The following PSMD12 variants were observed in gnomAD, a reference collection of about 807,000 sequenced individuals.
PSMD12 encodes the protein proteasome 26S subunit, non-ATPase 12.
In PSMD12, 8 loss-of-function variants were observed where a neutral mutation model predicts 62.9. The ratio of observed to expected loss-of-function variants is 0.13; its 90% confidence interval spans 0.07 to 0.23. The LOEUF is 0.23. Among genes scored for constraint, PSMD12 ranks in the 10% least tolerant of loss-of-function variants. The probability of loss-of-function intolerance (pLI) is 1.00; values close to 1 mark genes in which losing one functional copy is unlikely to be tolerated. For synonymous variants in PSMD12, 173 were observed against 187.4 expected (o/e 0.92, Z 0.63); for missense variants, 424 against 550.2 (o/e 0.77, Z 2.29).
intron 1 of PSMD12, among the ~76,000 whole-genome samples, chr17:67,357,991 G>A (rs531417604): frequency 4.0e-5 from 6 of 151,338 alleles, no homozygotes; most frequent in Non-Finnish European, 7.4e-5. Context: ...GCACCATCTC[G>A]GCTCACTGCA....
intron 9 of PSMD12, 44 bp from the exon 10 acceptor site, chr17:67,342,307 A>C: frequency 7.7e-7 from 1 of 1,295,584 alleles, no homozygotes; most frequent in Non-Finnish European, 1.1e-6. Flanking sequence ...AACATTTGTC[A>C]GTAAGTCTAA....
chr17:67,363,455 T>TA (rs2042152651), intron 1 of PSMD12, among the ~76,000 whole-genome samples: 1 of 152,118 alleles, frequency 6.6e-6, no homozygotes, highest in South Asian at 2.1e-4. Context: ...ACATTTAAAA[T>TA]AAAAAATGCC....
intron 3 of PSMD12, among the ~76,000 whole-genome samples, chr17:67,351,730 C>G (rs994307203): frequency 1.6e-4 from 24 of 151,936 alleles, no homozygotes; most frequent in African/African-American, 5.8e-4. Flanking sequence ...CACAGGTAAC[C>G]CTCACCTCCT....
intron 8 of PSMD12, 143 bp from the exon 9 acceptor site, chr17:67,344,923 A>G (rs997574567): frequency 1.4e-6 from 1 of 694,408 alleles, no homozygotes; most frequent in African/African-American, 1.8e-5. Flanking sequence ...ATTATTGTGT[A>G]TTTTACCAAC....
chr17:67,366,502 C>G lies in PSMD12; in HGVS notation c.18G>C (p.Ser6=). The part of the protein sequence containing the change: MADGG[S]ERADGRIVKM... ...TGACGATGCGCCCGTCAGCCCGCTC[C>G]GAGCCGCCGTCCGCCATGGTCCCCG... Residue 6 remains serine (S), a synonymous_variant, in exon 1 of 11, where the codon TCG becomes TCC. Coordinates refer to ENST00000356126, the MANE Select transcript of PSMD12 (RefSeq NM_002816.5). The G allele has an allele frequency of 1.2e-6, 2 of 1,607,668 alleles. No homozygotes were observed. The highest frequency in any genetic ancestry group is 1.7e-6 in the Non-Finnish European group (2 of 1,178,412).
chr17:67,342,930 ACTCT>A (rs1211959390), intron 9 of PSMD12, among the ~76,000 whole-genome samples: 1 of 144,994 alleles, frequency 6.9e-6, no homozygotes, highest in Non-Finnish European at 1.5e-5. Context: ...AGCTACACTG[ACTCT>A]CTTTCAAAAA....
chr17:67,358,304 A>G (rs2042095742), intron 1 of PSMD12, among the ~76,000 whole-genome samples: 1 of 152,154 alleles, frequency 6.6e-6, no homozygotes, highest in African/African-American at 2.4e-5. Flanking sequence ...GCAGTGGCTC[A>G]TGCCTGTAAT....
rs1313072711 is a variant in PSMD12, at chr17:67,345,875, C to T, written c.796-18G>A. On this transcript the variant is annotated intron_variant, in intron 7 of 10. Coordinates refer to ENST00000356126, the MANE Select transcript of PSMD12 (RefSeq NM_002816.5). Reference sequence around the variant, plus strand: ...TTCAGAGCCTAAAAGAGTTGTACAACAAGTTATATGCAAGACTGGACATAA... The same window carrying T: ...TTCAGAGCCTAAAAGAGTTGTACAATAAGTTATATGCAAGACTGGACATAA... The T allele has an allele frequency of 6.3e-7, 1 of 1,576,056 alleles. No homozygotes were observed. The highest frequency in any genetic ancestry group is 1.7e-5 in the Admixed American group (1 of 59,692).
At chr17:67,362,611 G>A (rs1410654569) in intron 1 of PSMD12, among the ~76,000 whole-genome samples, 6 of 147,740 alleles carry the variant, frequency 4.1e-5, no homozygotes, top group East Asian at 2.0e-4. Flanking sequence ...GCAGTGAGCC[G>A]AGATCGCGCC....
chr17:67,345,154 A>C (rs1314428361), intron 8 of PSMD12, among the ~76,000 whole-genome samples: 1 of 152,242 alleles, frequency 6.6e-6, no homozygotes, highest in Non-Finnish European at 1.5e-5. Context: ...TAAACTACTA[A>C]TGATGAAACT....
intron 1 of PSMD12, among the ~76,000 whole-genome samples, chr17:67,361,955 TAACA>T (rs1301797215): frequency 7.6e-6 from 1 of 131,598 alleles, no homozygotes; most frequent in Non-Finnish European, 1.6e-5. Flanking sequence ...AGGAAGACAT[TAACA>T]TTTAGGCCTA....
chr17:67,354,035 C>G (rs576255716), intron 3 of PSMD12, among the ~76,000 whole-genome samples: 1 of 152,174 alleles, frequency 6.6e-6, no homozygotes, highest in Non-Finnish European at 1.5e-5. Context: ...CAATAGGGTG[C>G]CAAGGGCAAG....
chr17:67,346,632 C>T (rs2041969823), intron 7 of PSMD12, among the ~76,000 whole-genome samples: 1 of 152,096 alleles, frequency 6.6e-6, no homozygotes, highest in South Asian at 2.1e-4. Flanking sequence ...GCAAGGCTGC[C>T]TTTTCATAGT....
At chr17:67,358,592 GAAAAAAAAGA>G (rs2042101136) in intron 1 of PSMD12, among the ~76,000 whole-genome samples, 1 of 125,100 alleles carries the variant, frequency 8.0e-6, no homozygotes, top group Non-Finnish European at 1.7e-5. Flanking sequence ...AAAAAGAAAA[GAAAAAAAAGA>G]AAAAAAAAGT....
Position 67,341,057 on chromosome 17 carries a change from A to G in PSMD12, c.1162-5T>C, listed in dbSNP as rs1349741161. 1.3e-6 allele frequency: 2 copies of G among 1,529,704 alleles called. No individual in the cohort carries two copies. Among genetic ancestry groups the G allele is most frequent in the Admixed American group, 2.3e-5 (1 of 42,658 alleles). The allele number at this position is 1,529,704 out of a possible 1,614,324, so 94.8% of individuals were successfully genotyped here. ...TGAGAGAAAGGCTTCGGACTCCTGC[A>G]AGAGAGAAAGATAAATTGGATTAAG... On this transcript the variant is annotated splice_region_variant and splice_polypyrimidine_tract_variant and intron_variant, in intron 10 of 10. Coordinates refer to ENST00000356126, the MANE Select transcript of PSMD12 (RefSeq NM_002816.5).
At chr17:67,341,862 G>A (rs1483194739) in intron 10 of PSMD12, among the ~76,000 whole-genome samples, 1 of 152,172 alleles carries the variant, frequency 6.6e-6, no homozygotes, top group African/African-American at 2.4e-5. Context: ...AATGTTCCAT[G>A]AGTCTTACCA....
At chr17:67,351,431 T>TAA (rs1555640971) in intron 3 of PSMD12, among the ~76,000 whole-genome samples, 14 of 148,372 alleles carry the variant, frequency 9.4e-5, no homozygotes, top group Admixed American at 2.7e-4. Context: ...ATAATAATAA[T>TAA]TAGGACCATG....
rs5821478 is a variant in PSMD12, at chr17:67,340,252, CAA to C, written c.*589_*590del. ...TACTGTGATTGGAACCAGCCGGACTCAAAAAAAAAAAAAAAAAAGTCTACAGT... is the reference window on the plus strand; with the variant it reads ...TACTGTGATTGGAACCAGCCGGACTCAAAAAAAAAAAAAAAAGTCTACAGT... On this transcript the variant is annotated 3_prime_UTR_variant, in exon 11 of 11. Coordinates refer to ENST00000356126, the MANE Select transcript of PSMD12 (RefSeq NM_002816.5). 0.084 allele frequency: 9,982 copies of C among 119,210 alleles called. 392 individuals are homozygous for C. Among genetic ancestry groups the C allele is most frequent in the Non-Finnish European group, 0.11 (6,036 of 57,278 alleles). 7.4% of individuals were successfully genotyped at this position (119,210 alleles called of 1,614,324 possible).
At chr17:67,344,475 C>T in intron 9 of PSMD12, 131 bp downstream of exon 9, 3 of 871,488 alleles carry the variant, frequency 3.4e-6, no homozygotes, top group Non-Finnish European at 5.1e-6. Context: ...ACATAACATC[C>T]TAAATGAACA....
Sources: gnomAD v4.1 joint callset for allele counts (sites outside exome capture counted in the v4.1 genomes callset) on GRCh38, gnomAD v4.1.1 for gene constraint, MANE v1.5 for transcripts, NCBI Gene and HGNC (gene_info 2026-07-23, HGNC 2026-07-21) for gene names.